The following SYN3 variants were observed in gnomAD, a reference collection of about 807,000 sequenced individuals.
SYN3 encodes the protein synapsin-3.
A neutral mutation model predicts 65.8 loss-of-function variants in SYN3; 35 were observed. The ratio of observed to expected loss-of-function variants is 0.53; its 90% CI spans 0.41 to 0.70. The LOEUF is 0.70. SYN3 is among the 30% of genes least tolerant of loss of function. The probability of loss-of-function intolerance (pLI) is 0.00; values close to 1 mark genes in which losing one functional copy is unlikely to be tolerated. For synonymous variants in SYN3, 270 were observed against 292.9 expected (o/e 0.92, Z 0.80); for missense variants, 680 against 749.0 (o/e 0.91, Z 1.08).
At chr22:32,775,679 C>T (rs1252020691) in intron 6 of SYN3, among the ~76,000 whole-genome samples, 1 of 140,250 alleles carries the variant, frequency 7.1e-6, no homozygotes, top group African/African-American at 2.8e-5. Context: ...AGGAGTTCTG[C>T]TGCCAAGGCT....
At chr22:32,532,783 C>T (rs1461392434) in intron 10 of SYN3, among the ~76,000 whole-genome samples, 4 of 152,166 alleles carry the variant, frequency 2.6e-5, no homozygotes, top group East Asian at 3.9e-4. Context: ...TCCCATTAGC[C>T]GCCCACACCC....
At chr22:32,714,572 T>C (rs1182536836) in intron 6 of SYN3, among the ~76,000 whole-genome samples, 2 of 140,386 alleles carry the variant, frequency 1.4e-5, no homozygotes, top group African/African-American at 5.2e-5. Flanking sequence ...GTAACTTTTC[T>C]TTTTTTTTTT....
chr22:32,591,981 T>A (rs1453430133), intron 7 of SYN3, among the ~76,000 whole-genome samples: 2 of 152,194 alleles, frequency 1.3e-5, no homozygotes, highest in African/African-American at 4.8e-5. Flanking sequence ...AATGTTCAAG[T>A]AAGTGTTATT....
At chr22:32,834,332 T>TC (rs2146149498) in intron 6 of SYN3, among the ~76,000 whole-genome samples, 1 of 151,732 alleles carries the variant, frequency 6.6e-6, no homozygotes, top group Non-Finnish European at 1.5e-5. Flanking sequence ...TATTTTTTTT[T>TC]TTGTATTTTT....
intron 4 of SYN3, among the ~76,000 whole-genome samples, chr22:32,909,345 A>T (rs142272266): frequency 6.6e-5 from 10 of 152,264 alleles, no homozygotes; most frequent in Non-Finnish European, 1.3e-4. Context: ...TGAGCAAGTG[A>T]CTTTGCCTCT....
intron 6 of SYN3, among the ~76,000 whole-genome samples, chr22:32,729,007 G>T (rs963093457): frequency 3.3e-5 from 5 of 152,202 alleles, no homozygotes; most frequent in Admixed American, 1.3e-4. Flanking sequence ...GTGGGCCCAG[G>T]ATACGTGGGG....
At chr22:32,716,149 A>G (rs186209304) in intron 6 of SYN3, among the ~76,000 whole-genome samples, 56 of 152,240 alleles carry the variant, frequency 3.7e-4, no homozygotes, top group African/African-American at 1.3e-3. Context: ...ACCCCATCTG[A>G]TTTCCTTCAG....
intron 3 of SYN3, among the ~76,000 whole-genome samples, chr22:32,950,943 A>T (rs181776974): frequency 2.8e-4 from 43 of 152,264 alleles, no homozygotes; most frequent in African/African-American, 9.9e-4. Flanking sequence ...CTTGCAAATT[A>T]TCATCAAAAT....
At chr22:32,792,976 C>T (rs1022449273) in intron 6 of SYN3, among the ~76,000 whole-genome samples, 1 of 152,152 alleles carries the variant, frequency 6.6e-6, no homozygotes, top group Non-Finnish European at 1.5e-5. Flanking sequence ...CTTCTTTGAG[C>T]CTCCGTTTCC....
At chr22:32,744,811 C>A (rs1374172874) in intron 6 of SYN3, among the ~76,000 whole-genome samples, 1 of 152,160 alleles carries the variant, frequency 6.6e-6, no homozygotes, top group Non-Finnish European at 1.5e-5. Flanking sequence ...GGCGATTGCC[C>A]ACGCAGCAGG....
intron 3 of SYN3, among the ~76,000 whole-genome samples, chr22:32,938,285 T>G (rs895642723): frequency 6.6e-6 from 1 of 151,770 alleles, no homozygotes; most frequent in Non-Finnish European, 1.5e-5. Flanking sequence ...TCCCAGCACT[T>G]TGGGAGGCCG....
intron 6 of SYN3, among the ~76,000 whole-genome samples, chr22:32,722,623 T>C (rs542389603): frequency 4.5e-4 from 69 of 152,286 alleles, no homozygotes; most frequent in African/African-American, 1.5e-3. Flanking sequence ...CGAGGCCAGT[T>C]TCCCACGGGG....
intron 1 of SYN3, among the ~76,000 whole-genome samples, chr22:33,051,737 A>G (rs2145976482): frequency 6.6e-6 from 1 of 152,300 alleles, no homozygotes; most frequent in Non-Finnish European, 1.5e-5. Flanking sequence ...AAAATCCATG[A>G]GACCATTCAA....
At chr22:32,744,510 C>T (rs2044866704) in intron 6 of SYN3, among the ~76,000 whole-genome samples, 1 of 152,170 alleles carries the variant, frequency 6.6e-6, no homozygotes, top group Admixed American at 6.5e-5. Context: ...GCCTAGTGTG[C>T]TAAGAAATTC....
chr22:32,540,803 C>T (rs190357288), intron 8 of SYN3, among the ~76,000 whole-genome samples: 1 of 152,198 alleles, frequency 6.6e-6, no homozygotes, highest in South Asian at 2.1e-4. Flanking sequence ...CAATAAAATG[C>T]GATCAAAGTT....
At chr22:32,891,400 G>T (rs2049442140) in intron 4 of SYN3, among the ~76,000 whole-genome samples, 1 of 152,096 alleles carries the variant, frequency 6.6e-6, no homozygotes, top group Non-Finnish European at 1.5e-5. Flanking sequence ...CATGGCTTCT[G>T]AATCCTGTCA....
chr22:32,611,291 T>G (rs200168140), intron 6 of SYN3, among the ~76,000 whole-genome samples: 57 of 110,382 alleles, frequency 5.2e-4, no homozygotes, highest in East Asian at 3.1e-3. Context: ...TTTGTTTTTT[T>G]TTTTTTTTTT....
At chr22:33,050,920 C>T (rs2054155119) in intron 1 of SYN3, among the ~76,000 whole-genome samples, 1 of 152,196 alleles carries the variant, frequency 6.6e-6, no homozygotes, top group Non-Finnish European at 1.5e-5. Flanking sequence ...GTATAAAGCA[C>T]CCAGTACCTA....
intron 6 of SYN3, among the ~76,000 whole-genome samples, chr22:32,795,961 G>T (rs1193549243): frequency 6.6e-6 from 1 of 152,128 alleles, no homozygotes; most frequent in Non-Finnish European, 1.5e-5. Context: ...CCAACCACAT[G>T]TCCATCCCAT....
Sources: allele counts gnomAD v4.1 joint callset (sites outside exome capture counted in the v4.1 genomes callset), GRCh38; gene constraint gnomAD v4.1.1; transcripts MANE v1.5; gene names NCBI Gene and HGNC (gene_info 2026-07-23, HGNC 2026-07-21).